COBL: variants seen among roughly 807,000 people sequenced by gnomAD.
COBL encodes cordon-bleu WH2 repeat protein.
Under a neutral mutation model 98.8 loss-of-function variants are expected in COBL, and 51 were observed. The observed-to-expected ratio is 0.52, with a 90% CI of 0.41 to 0.65. COBL has a LOEUF of 0.65. Ranked by LOEUF, COBL falls within the 30% of genes least tolerant of loss-of-function variation. The pLI, the probability that COBL is intolerant of heterozygous loss-of-function variation, is 0.00. For synonymous variants in COBL, 634 were observed against 651.7 expected (o/e 0.97, Z 0.41); for missense variants, 1,617 against 1,617.5 (o/e 1.00, Z 0.01).
chr7:51,138,928 C>G (rs1799489602), intron 5 of COBL, among the ~76,000 whole-genome samples: 1 of 152,212 alleles, frequency 6.6e-6, no homozygotes, highest in Admixed American at 6.5e-5. Flanking sequence ...CTCACCACAA[C>G]TATGCCTGCC....
chr7:51,309,211 G>A (rs1160422710), intron 1 of COBL, among the ~76,000 whole-genome samples: 1 of 152,138 alleles, frequency 6.6e-6, no homozygotes. Context: ...TTGGGCCAAG[G>A]GGACATGAGC....
At chr7:51,228,247 G>T (rs1285251485) in intron 1 of COBL, among the ~76,000 whole-genome samples, 1 of 152,106 alleles carries the variant, frequency 6.6e-6, no homozygotes, top group Non-Finnish European at 1.5e-5. Flanking sequence ...AACAGAGAGA[G>T]ATTTCAGCTT....
intron 2 of COBL, among the ~76,000 whole-genome samples, chr7:51,208,228 G>T (rs1468018433): frequency 6.7e-6 from 1 of 149,072 alleles, no homozygotes; most frequent in African/African-American, 2.5e-5. Context: ...GAGCCCCTCC[G>T]CCCGGCAGCC....
chr7:51,224,495 T>C (rs2129094911), intron 1 of COBL, among the ~76,000 whole-genome samples: 1 of 151,286 alleles, frequency 6.6e-6, no homozygotes, highest in African/African-American at 2.4e-5. Flanking sequence ...GTCTTAAAGA[T>C]GAGCAGAAAT....
chr7:51,085,100 C>T, intron 7 of COBL, 66 bp downstream of exon 7: 1 of 1,609,348 alleles, frequency 6.2e-7, no homozygotes, highest in East Asian at 2.2e-5. Context: ...GAGTTCACAT[C>T]AGAGCTGACA....
In COBL at chr7:51,130,681, C is replaced by T. The variant is rs78395440; in HGVS notation, c.957+5477G>A. On this transcript the variant is annotated intron_variant, in intron 6 of 12. Coordinates refer to ENST00000265136, the MANE Select transcript of COBL (RefSeq NM_015198.5). Reference sequence around the variant, plus strand: ...TGCCTCCCCCTGGGTGTCCTCTCTGCGGAACAGGATCAAGAACACACCAGA... The same window carrying T: ...TGCCTCCCCCTGGGTGTCCTCTCTGTGGAACAGGATCAAGAACACACCAGA... Among the ~76,000 whole-genome samples the T allele has an allele frequency of 3.4e-3, 511 of 152,238 alleles. 7 individuals carry two copies. The highest frequency in any genetic ancestry group is 0.011 in the African/African-American group (460 of 41,538).
chr7:51,051,143 G>T (rs535239919), intron 7 of COBL, among the ~76,000 whole-genome samples: 15 of 152,142 alleles, frequency 9.9e-5, no homozygotes, highest in Non-Finnish European at 1.6e-4. Context: ...ACCAGTATAT[G>T]GCTAAACCAA....
intron 1 of COBL, among the ~76,000 whole-genome samples, chr7:51,285,098 C>T (rs1800213952): frequency 6.6e-6 from 1 of 151,874 alleles, no homozygotes; most frequent in Admixed American, 6.5e-5. Flanking sequence ...AGGAGCGTGC[C>T]AGCACACCTG....
intron 1 of COBL, among the ~76,000 whole-genome samples, chr7:51,220,912 A>G (rs1020844615): frequency 2.0e-5 from 3 of 152,172 alleles, no homozygotes; most frequent in African/African-American, 7.2e-5. Flanking sequence ...TTATACATAG[A>G]ATACATATAT....
In COBL at chr7:51,206,441, G is replaced by A. The variant is rs117455051; in HGVS notation, c.246-12852C>T. Reference sequence around the variant, plus strand: ...CAGGAGGCAAAGATTGCACTGAGCCGAGATCGCGCCACTATATTCCAGCCT... The same window carrying A: ...CAGGAGGCAAAGATTGCACTGAGCCAAGATCGCGCCACTATATTCCAGCCT... On this transcript the variant is annotated intron_variant, in intron 2 of 12. Transcript: ENST00000265136. Among the ~76,000 whole-genome samples, 833 of 149,654 alleles carry A rather than the reference G, an allele frequency of 5.6e-3. 32 individuals carry two copies. In the East Asian group the frequency reaches 0.14, roughly 25 times the overall value.
chr7:51,298,570 T>C (rs1425169724), intron 1 of COBL, among the ~76,000 whole-genome samples: 1 of 152,232 alleles, frequency 6.6e-6, no homozygotes, highest in Non-Finnish European at 1.5e-5. Context: ...GGCCACTCCA[T>C]TGCTCTTACT....
chr7:51,254,631 T>C (rs1797039378), intron 1 of COBL, among the ~76,000 whole-genome samples: 1 of 152,130 alleles, frequency 6.6e-6, no homozygotes, highest in African/African-American at 2.4e-5. Flanking sequence ...ACCACTCTTC[T>C]CAATCAGATT....
intron 2 of COBL, among the ~76,000 whole-genome samples, chr7:51,204,992 A>C (rs1351159039): frequency 6.6e-6 from 1 of 152,248 alleles, no homozygotes; most frequent in Non-Finnish European, 1.5e-5. Flanking sequence ...ATTATAATAC[A>C]TTGATGAAAG....
chr7:51,042,309 C>T (rs531873824), intron 8 of COBL, among the ~76,000 whole-genome samples: 1 of 152,284 alleles, frequency 6.6e-6, no homozygotes, highest in East Asian at 1.9e-4. Context: ...GTGTAAATAA[C>T]TGACAAAGGA....
chr7:51,207,232 C>A (rs373366962), intron 2 of COBL, among the ~76,000 whole-genome samples: 1 of 149,568 alleles, frequency 6.7e-6, no homozygotes, highest in African/African-American at 2.5e-5. Context: ...CTTGGTACAG[C>A]GGACATTTTT....
At chr7:51,266,795 T>C (rs1283855779) in intron 1 of COBL, among the ~76,000 whole-genome samples, 1 of 152,108 alleles carries the variant, frequency 6.6e-6, no homozygotes, top group Non-Finnish European at 1.5e-5. Flanking sequence ...TATGGACACC[T>C]AGACCAAGAA....
In COBL at chr7:51,025,235, G is replaced by C. The variant is rs1301010872; in HGVS notation, c.3642C>G (p.Ser1214=). The change falls in exon 12 of 13, where the codon TCC becomes TCG. Residue 1214 remains serine (S), a synonymous_variant. Transcript: ENST00000265136. ...CCGTCCTTGGTGCAGAGAGAGCCTGGGAGGGTGGAGGGGGTGGTGGGGGAA... is the reference window on the plus strand; with the variant it reads ...CCGTCCTTGGTGCAGAGAGAGCCTGCGAGGGTGGAGGGGGTGGTGGGGGAA... ...PAIPPPPPPP[S]QALSAPRTAS... is the part of the protein sequence containing the mutation. 1.9e-6 allele frequency: 3 copies of C among 1,610,106 alleles called. No homozygotes were observed. The African/African-American group carries it at 4.0e-5, about 22-fold the overall frequency.
intron 1 of COBL, among the ~76,000 whole-genome samples, chr7:51,270,981 T>G (rs1423853203): frequency 1.3e-5 from 2 of 152,180 alleles, no homozygotes; most frequent in Non-Finnish European, 2.9e-5. Context: ...CTAAGGAGTG[T>G]GTACAAGCCA....
intron 1 of COBL, among the ~76,000 whole-genome samples, chr7:51,229,874 C>T (rs1357253020): frequency 1.3e-5 from 2 of 152,146 alleles, no homozygotes; most frequent in African/African-American, 2.4e-5. Flanking sequence ...GTGAGCTTGA[C>T]GGGCTCCCAG....
Sources: allele counts gnomAD v4.1 joint callset (sites outside exome capture counted in the v4.1 genomes callset), GRCh38; gene constraint gnomAD v4.1.1; transcripts MANE v1.5; gene names NCBI Gene and HGNC (gene_info 2026-07-23, HGNC 2026-07-21).